SMARCC1: variants seen among roughly 807,000 people sequenced by gnomAD.
SMARCC1 encodes SWI/SNF related BAF chromatin remodeling complex subunit C1.
A neutral mutation model predicts 147.4 loss-of-function variants in SMARCC1; 43 were observed. The ratio of observed to expected loss-of-function variants is 0.29; its 90% CI spans 0.23 to 0.38. The LOEUF (loss-of-function observed/expected upper bound fraction) is 0.38, where lower values mean the gene tolerates loss of function less well. Ranked by LOEUF, SMARCC1 falls within the 10% of genes least tolerant of loss-of-function variation. The probability of loss-of-function intolerance (pLI) is 1.00; values close to 1 mark genes in which losing one functional copy is unlikely to be tolerated. For synonymous variants in SMARCC1, 495 were observed against 484.4 expected (o/e 1.02, Z -0.29); for missense variants, 1,119 against 1,381.1 (o/e 0.81, Z 3.01).
chr3:47,707,748 G>A (rs778465621), intron 9 of SMARCC1, among the ~76,000 whole-genome samples: 1 of 152,134 alleles, frequency 6.6e-6, no homozygotes, highest in Non-Finnish European at 1.5e-5. Context: ...ATGTAGGGGT[G>A]TGCGTCTGTG....
chr3:47,635,678 G>T lies in SMARCC1; in HGVS notation c.2492-334C>A, dbSNP rs150162848. Reference sequence around the variant, plus strand: ...TCAATGAAATGCTCTAGGAACTCTAGTGTCTGTAGGAAATCAGAAGCTGAG... The same window carrying T: ...TCAATGAAATGCTCTAGGAACTCTATTGTCTGTAGGAAATCAGAAGCTGAG... On this transcript the variant is annotated intron_variant, in intron 23 of 27. Coordinates refer to ENST00000254480, the MANE Select transcript of SMARCC1 (RefSeq NM_003074.4). Among the ~76,000 whole-genome samples the T allele has an allele frequency of 6.2e-3, 948 of 152,328 alleles. 12 individuals are homozygous for T. The highest frequency in any genetic ancestry group is 0.021 in the African/African-American group (882 of 41,574).
At chr3:47,604,714 T>TTTTTTTTTGG (rs2032442661) in intron 26 of SMARCC1, 2 of 164,066 alleles carry the variant, frequency 1.2e-5, no homozygotes, top group African/African-American at 2.4e-5. Context: ...TTTTTTTTTT[T>TTTTTTTTTGG]GAGATAGGGT....
At chr3:47,589,757 G>C (rs1401205685) in intron 27 of SMARCC1, among the ~76,000 whole-genome samples, 1 of 152,166 alleles carries the variant, frequency 6.6e-6, no homozygotes, top group African/African-American at 2.4e-5. Context: ...GTAACCTTTG[G>C]TAAGTTCTAT....
chr3:47,709,033 G>A lies in SMARCC1; in HGVS notation c.918+1650C>T, dbSNP rs368381762. On this transcript the variant is annotated intron_variant, in intron 9 of 27. Transcript: ENST00000254480. ...CCCAGCATTTTGGGAAGCCAAGGCC[G>A]GTGGATCAACTGAGGTCAGAAGTTC... 2.6e-4 allele frequency among the ~76,000 whole-genome samples: 39 copies of A among 152,288 alleles called. No homozygotes were observed. In the Middle Eastern group the frequency reaches 0.017, roughly 66 times the overall value.
chr3:47,724,173 G>C (rs2034270532), intron 6 of SMARCC1, among the ~76,000 whole-genome samples: 1 of 152,164 alleles, frequency 6.6e-6, no homozygotes, highest in African/African-American at 2.4e-5. Context: ...AATAAAGTAG[G>C]ATGAAAGTAG....
intron 2 of SMARCC1, among the ~76,000 whole-genome samples, chr3:47,770,965 C>T (rs2106874523): frequency 6.6e-6 from 1 of 152,256 alleles, no homozygotes; most frequent in East Asian, 1.9e-4. Context: ...AGGCCGGAGG[C>T]AGTGGCGCAA....
In SMARCC1 at chr3:47,585,291, C is replaced by T. The variant is rs111750473; in HGVS notation, c.*2918G>A. The T allele has an allele frequency of 6.6e-6, 1 of 152,118 alleles. No homozygotes were observed. Among genetic ancestry groups the T allele is most frequent in the Non-Finnish European group, 1.5e-5 (1 of 68,038 alleles). The allele number at this position is 152,118 out of a possible 1,614,324, so 9.4% of individuals were successfully genotyped here. A position where few individuals can be genotyped will look rare whatever the true frequency, so the allele number is the denominator to read the frequency against. On this transcript the variant is annotated 3_prime_UTR_variant, in exon 28 of 28. Transcript: ENST00000254480. ...AAGTTTATAAACCAGTCTTTAGTTTCGATAAAGGATTAACCTCCCCCAACA... is the reference window on the plus strand; with the variant it reads ...AAGTTTATAAACCAGTCTTTAGTTTTGATAAAGGATTAACCTCCCCCAACA...
At chr3:47,763,300 C>T (rs920762278) in intron 2 of SMARCC1, among the ~76,000 whole-genome samples, 2 of 150,934 alleles carry the variant, frequency 1.3e-5, no homozygotes, top group African/African-American at 4.9e-5. Flanking sequence ...GCATGAGCCA[C>T]CACACCCAGC....
intron 2 of SMARCC1, among the ~76,000 whole-genome samples, chr3:47,746,726 AT>A (rs35599897): frequency 0.57 from 68,965 of 121,906 alleles, 19,121 homozygotes; most frequent in East Asian, 0.67. Flanking sequence ...CACATCAGTA[AT>A]TTTTTTTTTT....
In SMARCC1 at chr3:47,742,832, C is replaced by T. The variant is rs370218087; in HGVS notation, c.401+3076G>A. On this transcript the variant is annotated intron_variant, in intron 3 of 27. Transcript: ENST00000254480. ...TCCTGGGCTCAAGCAATCCGCTGAC[C>T]TCAGCCTCCCAAAGTGCTGGGATTA... Among the ~76,000 whole-genome samples, 4 of 152,300 alleles carry T rather than the reference C, an allele frequency of 2.6e-5. No homozygotes were observed. The East Asian group carries it at 7.7e-4, about 29-fold the overall frequency.
chr3:47,740,111 C>G (rs1007315227), intron 3 of SMARCC1, among the ~76,000 whole-genome samples: 1 of 145,770 alleles, frequency 6.9e-6, no homozygotes, highest in African/African-American at 2.5e-5. Context: ...CTCAGGTGAT[C>G]GCACACCTCA....
In SMARCC1 at chr3:47,725,325, G is replaced by C. The variant is rs545784503; in HGVS notation, c.646+3700C>G. On this transcript the variant is annotated intron_variant, in intron 6 of 27. Transcript: ENST00000254480. ...TTGTCAAGGACTAACGTGGGAGAAG[G>C]GAAAGTGACTGCTAACAGGTATGGG... Among the ~76,000 whole-genome samples, 4 of 152,042 alleles carry C rather than the reference G, an allele frequency of 2.6e-5. No homozygotes were observed. The East Asian group carries it at 7.7e-4, about 29-fold the overall frequency.
At chr3:47,751,044 C>T (rs1308468226) in intron 2 of SMARCC1, among the ~76,000 whole-genome samples, 3 of 151,906 alleles carry the variant, frequency 2.0e-5, no homozygotes, top group Admixed American at 6.6e-5. Flanking sequence ...ATTACAGACA[C>T]GTGCCACCAC....
chr3:47,653,477 CA>C (rs1288235060), intron 21 of SMARCC1, among the ~76,000 whole-genome samples: 1 of 152,128 alleles, frequency 6.6e-6, no homozygotes, highest in Non-Finnish European at 1.5e-5. Flanking sequence ...ACCCACCACC[CA>C]AGTACACTAT....
intron 13 of SMARCC1, 114 bp from the exon 14 acceptor site, chr3:47,686,284 C>G: frequency 2.4e-6 from 2 of 822,534 alleles, no homozygotes; most frequent in South Asian, 3.8e-5. Context: ...CCGATTCGAT[C>G]AGATATTTGA....
At chr3:47,643,604 C>T (rs1408836137) in intron 21 of SMARCC1, among the ~76,000 whole-genome samples, 1 of 151,828 alleles carries the variant, frequency 6.6e-6, no homozygotes, top group East Asian at 1.9e-4. Context: ...TCTGAATATA[C>T]CATGTTTTAT....
intron 26 of SMARCC1, among the ~76,000 whole-genome samples, chr3:47,602,428 G>A (rs748748566): frequency 6.6e-6 from 1 of 152,166 alleles, no homozygotes; most frequent in Non-Finnish European, 1.5e-5. Flanking sequence ...CTCCCAAGTA[G>A]TTGGGACCAC....
At chr3:47,662,269 G>A in intron 20 of SMARCC1, 65 bp downstream of exon 20, 2 of 1,321,308 alleles carry the variant, frequency 1.5e-6, no homozygotes, top group Non-Finnish European at 2.1e-6. Context: ...TGTAACGGCT[G>A]GTAATATTTA....
intron 6 of SMARCC1, among the ~76,000 whole-genome samples, chr3:47,726,669 A>G (rs890142852): frequency 6.6e-6 from 1 of 152,242 alleles, no homozygotes; most frequent in African/African-American, 2.4e-5. Context: ...AAATTCTAGC[A>G]CATGCTGTAA....
Sources: gnomAD v4.1 joint callset for allele counts (sites outside exome capture counted in the v4.1 genomes callset) on GRCh38, gnomAD v4.1.1 for gene constraint, MANE v1.5 for transcripts, NCBI Gene and HGNC (gene_info 2026-07-23, HGNC 2026-07-21) for gene names.